KCNT2: variants seen among roughly 807,000 people sequenced by gnomAD.
The protein encoded by KCNT2 is potassium sodium-activated channel subfamily T member 2.
In KCNT2, 67 loss-of-function variants were observed where a neutral mutation model predicts 153.8. The ratio of observed to expected loss-of-function variants is 0.44; its 90% CI spans 0.36 to 0.53. The LOEUF is 0.53. KCNT2 is among the 20% of genes least tolerant of loss of function. KCNT2 has a pLI of 0.00. For missense variants in KCNT2, 975 were observed against 1,354.8 expected (o/e 0.72, Z 4.40); for synonymous variants, 500 against 458.8 (o/e 1.09, Z -1.15).
intron 19 of KCNT2, among the ~76,000 whole-genome samples, chr1:196,326,141 GA>G (rs1663827129): frequency 6.6e-6 from 1 of 152,024 alleles, no homozygotes; most frequent in Non-Finnish European, 1.5e-5. Context: ...ATTTGCATAA[GA>G]ATTTTGAATT....
intron 1 of KCNT2, among the ~76,000 whole-genome samples, chr1:196,587,457 T>A (rs1459861753): frequency 5.9e-5 from 9 of 152,026 alleles, no homozygotes; most frequent in African/African-American, 2.2e-4. Flanking sequence ...AAGAAGCATA[T>A]GACTTTTACC....
intron 1 of KCNT2, among the ~76,000 whole-genome samples, chr1:196,585,050 C>T (rs1343191863): frequency 6.6e-6 from 1 of 151,894 alleles, no homozygotes; most frequent in Non-Finnish European, 1.5e-5. Flanking sequence ...TCAGTATTTG[C>T]CAAGCATTTA....
chr1:196,278,000 T>C (rs1352479087), intron 25 of KCNT2, among the ~76,000 whole-genome samples: 2 of 152,170 alleles, frequency 1.3e-5, no homozygotes, highest in African/African-American at 4.8e-5. Flanking sequence ...TGCAAAGCTA[T>C]GAGCAAAGAT....
intron 20 of KCNT2, 23 bp from the exon 21 acceptor site, chr1:196,316,049 AAAAC>A: frequency 6.2e-7 from 1 of 1,603,398 alleles, no homozygotes; most frequent in Non-Finnish European, 8.5e-7. Flanking sequence ...TCAACAGAGA[AAAAC>A]AAACATTAAA....
chr1:196,571,006 T>C (rs1572862125), intron 1 of KCNT2, among the ~76,000 whole-genome samples: 2 of 152,104 alleles, frequency 1.3e-5, no homozygotes, highest in African/African-American at 2.4e-5. Flanking sequence ...ATGTCCCATA[T>C]GGCAGACTAC....
intron 22 of KCNT2, 90 bp from the exon 23 acceptor site, chr1:196,285,848 G>C: frequency 1.4e-6 from 1 of 730,386 alleles, no homozygotes; most frequent in South Asian, 1.5e-5. Flanking sequence ...TACGTAAAAA[G>C]TTCTCATCAT....
Position 196,608,385 on chromosome 1 carries a change from A to G in KCNT2, c.-76T>C. 12 of 1,195,266 alleles carry G rather than the reference A, an allele frequency of 1.0e-5. No individual in the cohort carries two copies. The highest frequency in any genetic ancestry group is 1.5e-5 in the Non-Finnish European group (12 of 804,072). 74.0% of individuals were successfully genotyped at this position (1,195,266 alleles called of 1,614,324 possible). A position where few individuals can be genotyped will look rare whatever the true frequency, so the allele number is the denominator to read the frequency against. On this transcript the variant is annotated 5_prime_UTR_variant, in exon 1 of 28. Transcript: ENST00000294725. ...AGAAAGAAAGAAAATATTGCGGAGT[A>G]CAGGGAGAGGACTAACAAGACGCTG... is the stretch of plus-strand genomic sequence containing the variant.
chr1:196,295,635 C>A (rs1449361217), intron 22 of KCNT2, among the ~76,000 whole-genome samples: 1 of 151,842 alleles, frequency 6.6e-6, no homozygotes, highest in East Asian at 1.9e-4. Context: ...ATATTCCACT[C>A]CTTTTAACTA....
intron 1 of KCNT2, among the ~76,000 whole-genome samples, chr1:196,587,290 T>A (rs1324067449): frequency 6.6e-6 from 1 of 152,002 alleles, no homozygotes; most frequent in African/African-American, 2.4e-5. Flanking sequence ...GCAGTAAAAT[T>A]ATTATCTTCA....
intron 3 of KCNT2, among the ~76,000 whole-genome samples, chr1:196,486,043 A>T (rs1679393553): frequency 6.6e-6 from 1 of 151,970 alleles, no homozygotes; most frequent in Non-Finnish European, 1.5e-5. Context: ...TTTAAGTAGC[A>T]GATGCATCAT....
chr1:196,328,071 A>G (rs1664063443), intron 18 of KCNT2, among the ~76,000 whole-genome samples: 1 of 152,216 alleles, frequency 6.6e-6, no homozygotes. Context: ...TTTTGTGATT[A>G]AATTCAGAAT....
chr1:196,460,713 C>T (rs950744494), intron 8 of KCNT2, among the ~76,000 whole-genome samples: 1 of 151,570 alleles, frequency 6.6e-6, no homozygotes, highest in Non-Finnish European at 1.5e-5. Flanking sequence ...AAAGTTGAGA[C>T]TTGAATGATG....
intron 8 of KCNT2, among the ~76,000 whole-genome samples, chr1:196,453,780 C>T (rs895652597): frequency 6.6e-6 from 1 of 151,888 alleles, no homozygotes; most frequent in African/African-American, 2.4e-5. Context: ...TATCGGTACT[C>T]AACATAGAAA....
chr1:196,439,163 A>G (rs1674995381), intron 8 of KCNT2, among the ~76,000 whole-genome samples: 2 of 151,942 alleles, frequency 1.3e-5, no homozygotes, highest in Admixed American at 1.3e-4. Flanking sequence ...ACCGTGATTT[A>G]GTTTTATATG....
Position 196,334,007 on chromosome 1 carries a change from T to C in KCNT2, c.1837A>G (p.Thr613Ala), listed in dbSNP as rs757837567. The change falls in exon 17 of 28, where the codon ACC (threonine) becomes GCC (alanine). Residue 613 changes from threonine to alanine, a missense_variant. Coordinates refer to ENST00000294725, the MANE Select transcript of KCNT2 (RefSeq NM_198503.5). ...DTSCRSASGP[T>A]LSLPTEGSKE... ...CTTCCCTCTGTAGGAAGAGACAGGG[T>C]AGGGCCACTTGCTGATCTACAGCTT... 1 of 1,613,398 alleles carries C rather than the reference T, an allele frequency of 6.2e-7. No individual in the cohort carries two copies. The highest frequency in any genetic ancestry group is 8.5e-7 in the Non-Finnish European group (1 of 1,179,710).
intron 14 of KCNT2, among the ~76,000 whole-genome samples, chr1:196,359,249 C>T (rs1399212483): frequency 6.6e-6 from 1 of 151,904 alleles, no homozygotes; most frequent in East Asian, 1.9e-4. Context: ...TTTTGTCTTA[C>T]TATATCACCC....
At chr1:196,488,016 C>T (rs1679568859) in intron 3 of KCNT2, among the ~76,000 whole-genome samples, 1 of 152,006 alleles carries the variant, frequency 6.6e-6, no homozygotes, top group African/African-American at 2.4e-5. Context: ...GGTGTGCTTC[C>T]TTTCCTAACA....
chr1:196,600,980 T>C (rs1284141052), intron 1 of KCNT2, among the ~76,000 whole-genome samples: 1 of 152,196 alleles, frequency 6.6e-6, no homozygotes, highest in Non-Finnish European at 1.5e-5. Flanking sequence ...TCCAGGCCCA[T>C]CCTTCTCTTC....
chr1:196,491,524 C>T (rs955897920), intron 2 of KCNT2, among the ~76,000 whole-genome samples: 1 of 151,896 alleles, frequency 6.6e-6, no homozygotes, highest in Non-Finnish European at 1.5e-5. Context: ...TTCCCTGTGA[C>T]ATTGTAAGCA....
Sources: allele counts gnomAD v4.1 joint callset (sites outside exome capture counted in the v4.1 genomes callset), GRCh38; gene constraint gnomAD v4.1.1; transcripts MANE v1.5; gene names NCBI Gene and HGNC (gene_info 2026-07-23, HGNC 2026-07-21).